The following RHPN2 variants were observed in gnomAD, a reference collection of about 807,000 sequenced individuals.
RHPN2 encodes the protein rhophilin Rho GTPase binding protein 2.
A neutral mutation model predicts 79.0 loss-of-function variants in RHPN2; 40 were observed. The observed-to-expected ratio is 0.51, with a 90% CI of 0.39 to 0.66. The LOEUF (loss-of-function observed/expected upper bound fraction) is 0.66, where lower values mean the gene tolerates loss of function less well. RHPN2 is among the 30% of genes least tolerant of loss of function. The pLI is 0.00. For synonymous variants in RHPN2, 285 were observed against 363.5 expected (o/e 0.78, Z 2.46); for missense variants, 686 against 883.5 (o/e 0.78, Z 2.83).
intron 14 of RHPN2, among the ~76,000 whole-genome samples, chr19:32,983,383 G>A (rs1237891916): frequency 6.6e-6 from 1 of 151,824 alleles, no homozygotes; most frequent in Non-Finnish European, 1.5e-5. Flanking sequence ...GTGGTGGCGG[G>A]CACCTGTAGT....
Position 33,036,841 on chromosome 19 carries a change from G to A in RHPN2, c.185+7408C>T, listed in dbSNP as rs118179822. 5.6e-4 allele frequency among the ~76,000 whole-genome samples: 85 copies of A among 151,990 alleles called. 1 individual carries two copies. The East Asian group carries it at 0.016, about 28-fold the overall frequency. On this transcript the variant is annotated intron_variant, in intron 2 of 14. Transcript: ENST00000254260. ...CTTAGCTGCCTTCCCGTGGGGCAGGGCTCAGCACCTGTAGCCCGCCATGCC... is the reference window on the plus strand; with the variant it reads ...CTTAGCTGCCTTCCCGTGGGGCAGGACTCAGCACCTGTAGCCCGCCATGCC...
chr19:33,043,974 G>A (rs1972121578), intron 2 of RHPN2, among the ~76,000 whole-genome samples: 1 of 152,098 alleles, frequency 6.6e-6, no homozygotes, highest in Non-Finnish European at 1.5e-5. Context: ...CAAACCTCGA[G>A]ACAAAAATTG....
chr19:33,035,343 T>C (rs1038752122), intron 2 of RHPN2, among the ~76,000 whole-genome samples: 3 of 151,890 alleles, frequency 2.0e-5, no homozygotes, highest in African/African-American at 7.3e-5. Context: ...CTCAAGTGAT[T>C]CTTGAGGATC....
chr19:33,024,589 C>T (rs1021336437), intron 3 of RHPN2, among the ~76,000 whole-genome samples: 2 of 152,136 alleles, frequency 1.3e-5, no homozygotes, highest in Non-Finnish European at 2.9e-5. Flanking sequence ...AGGACCAGCA[C>T]CAGGAAACAC....
At chr19:33,019,503 T>C (rs576076538) in intron 4 of RHPN2, among the ~76,000 whole-genome samples, 2 of 151,938 alleles carry the variant, frequency 1.3e-5, no homozygotes, top group East Asian at 3.9e-4. Context: ...CGCTTGAACC[T>C]GGGAGGTGAA....
chr19:32,990,167 G>GAAAGAAAAAGAA, intron 14 of RHPN2, among the ~76,000 whole-genome samples: 1 of 144,898 alleles, frequency 6.9e-6, no homozygotes, highest in East Asian at 2.1e-4. Flanking sequence ...GAAAGAAAGA[G>GAAAGAAAAAGAA]CGAGCCAGGG....
chr19:32,992,213 T>C, intron 12 of RHPN2: 1 of 448,794 alleles, frequency 2.2e-6, no homozygotes. Context: ...TCTTTTTCTC[T>C]TTTTTTTTGA....
chr19:33,051,687 C>T, intron 1 of RHPN2: 1 of 201,996 alleles, frequency 5.0e-6, no homozygotes, highest in Non-Finnish European at 1.1e-5. Context: ...ATTTCTGCCA[C>T]TGTTACAAGT....
chr19:33,026,060 C>T (rs1490552763), intron 3 of RHPN2, among the ~76,000 whole-genome samples: 35 of 144,324 alleles, frequency 2.4e-4, no homozygotes, highest in Non-Finnish European at 4.5e-5. Context: ...AGTGTGATCT[C>T]GGCTCACTGA....
At chr19:33,019,434 C>A (rs1971905419) in intron 4 of RHPN2, among the ~76,000 whole-genome samples, 1 of 152,088 alleles carries the variant, frequency 6.6e-6, no homozygotes, top group African/African-American at 2.4e-5. Context: ...ACATAATTAG[C>A]CAGGCATGGT....
Position 33,064,795 on chromosome 19 carries a change from A to G in RHPN2, c.58T>C (p.Tyr20His), listed in dbSNP as rs1322162297. 6 of 1,463,340 alleles carry G rather than the reference A, an allele frequency of 4.1e-6. No homozygotes were observed. The highest frequency in any genetic ancestry group is 3.0e-5 in the African/African-American group (2 of 67,014). The allele number at this position is 1,463,340 out of a possible 1,614,324, so 90.6% of individuals were successfully genotyped here. Reference protein sequence around the residue: ...PQPLEKENDGYFRKGCNPLAQ... With the variant: ...PQPLEKENDGHFRKGCNPLAQ... Reference sequence around the variant, plus strand: ...CCGAAGCCGCCCACCTTCCGAAAGTAGCCGTCGTTCTCCTTCTCCAGCGGC... The same window carrying G: ...CCGAAGCCGCCCACCTTCCGAAAGTGGCCGTCGTTCTCCTTCTCCAGCGGC... Residue 20 changes from tyrosine (Y) to histidine (H), a missense_variant, in exon 1 of 15, where the codon TAC becomes CAC. By Grantham distance (83) the Tyr-to-His change is moderately conservative. Transcript: ENST00000254260.
intron 4 of RHPN2, among the ~76,000 whole-genome samples, chr19:33,017,180 A>G (rs1375446734): frequency 4.6e-5 from 7 of 152,048 alleles, no homozygotes. Flanking sequence ...TGAGTTCAAG[A>G]CCAGCCTGGC....
intron 5 of RHPN2, among the ~76,000 whole-genome samples, chr19:33,012,018 C>G (rs552151121): frequency 6.6e-6 from 1 of 151,346 alleles, no homozygotes; most frequent in South Asian, 2.1e-4. Flanking sequence ...GCAGGGCTCT[C>G]CCCTTCTATG....
intron 4 of RHPN2, among the ~76,000 whole-genome samples, chr19:33,013,846 CATTTTATTTTATTTTACTTT>C (rs1487623625): frequency 2.1e-5 from 3 of 144,638 alleles, no homozygotes; most frequent in African/African-American, 5.4e-5. Context: ...GTTATAAAGG[CATTTTATTTTATTTTACTTT>C]ATTTTATTTT....
intron 13 of RHPN2, 84 bp from the exon 14 acceptor site, chr19:32,990,753 C>T (rs1971652116): frequency 9.7e-6 from 15 of 1,547,590 alleles, no homozygotes; most frequent in East Asian, 6.9e-5. Context: ...TAGGTATTTG[C>T]GTAAGTTCGC....
In RHPN2 at chr19:33,010,979, G is replaced by A. The variant is rs149450885; in HGVS notation, c.593+700C>T. On this transcript the variant is annotated intron_variant, in intron 6 of 14. Coordinates refer to ENST00000254260, the MANE Select transcript of RHPN2 (RefSeq NM_033103.5). ...ATTACAGGTGTGAGCCACTGTACCCGGCCTCCCAAGTATTTAAACTATACT... is the reference window on the plus strand; with the variant it reads ...ATTACAGGTGTGAGCCACTGTACCCAGCCTCCCAAGTATTTAAACTATACT... Among the ~76,000 whole-genome samples the A allele has an allele frequency of 5.8e-3, 882 of 152,236 alleles. 3 individuals carry two copies. The highest frequency in any genetic ancestry group is 8.4e-3 in the Non-Finnish European group (570 of 68,014).
At chr19:33,021,673 T>C in intron 3 of RHPN2, 27 bp from the exon 4 acceptor site, 1 of 1,584,732 alleles carries the variant, frequency 6.3e-7, no homozygotes, top group East Asian at 2.2e-5. Context: ...AAGGTATGTA[T>C]GAACACCCCC....
intron 1 of RHPN2, among the ~76,000 whole-genome samples, chr19:33,049,532 C>T (rs903175886): frequency 2.6e-5 from 4 of 152,308 alleles, no homozygotes; most frequent in Admixed American, 2.0e-4. Flanking sequence ...GTCCTGACCT[C>T]GGGATCTGCT....
chr19:33,003,147 C>A, intron 7 of RHPN2, 147 bp from the exon 8 acceptor site: 1 of 733,666 alleles, frequency 1.4e-6, no homozygotes, highest in Non-Finnish European at 2.4e-6. Context: ...TCACTTGTAT[C>A]AGGAATTCAA....
Sources: gnomAD v4.1 joint callset for allele counts (sites outside exome capture counted in the v4.1 genomes callset) on GRCh38, gnomAD v4.1.1 for gene constraint, MANE v1.5 for transcripts, NCBI Gene and HGNC (gene_info 2026-07-23, HGNC 2026-07-21) for gene names.